Variants in LPAR6 observed in about 807,000 individuals in gnomAD.
The protein encoded by LPAR6 is G-protein coupled purinergic receptor P2Y5.
LPAR6 carries 17 observed loss-of-function variants against 22.0 expected under a neutral mutation model. The observed-to-expected ratio is 0.77, with a 90% CI of 0.53 to 1.16. The LOEUF (loss-of-function observed/expected upper bound fraction) is 1.16, where lower values mean the gene tolerates loss of function less well. Among genes scored for constraint, LPAR6 ranks in the 50% most tolerant of loss-of-function variants. The probability of loss-of-function intolerance (pLI) is 0.00; values close to 1 mark genes in which losing one functional copy is unlikely to be tolerated. For missense variants in LPAR6, 384 were observed against 406.9 expected (o/e 0.94, Z 0.48); for synonymous variants, 136 against 139.8 (o/e 0.97, Z 0.19).
downstream of LPAR6, among the ~76,000 whole-genome samples, chr13:48,407,402 A>G (rs181381424): frequency 6.6e-6 from 1 of 152,298 alleles, no homozygotes. Flanking sequence ...TTTTAAGGTA[A>G]TAAAAAAGAG....
intron 1 of LPAR6, among the ~76,000 whole-genome samples, chr13:48,432,151 C>T (rs1949136594): frequency 6.6e-6 from 1 of 152,088 alleles, no homozygotes; most frequent in African/African-American, 2.4e-5. Context: ...AATAAGGGGA[C>T]ATTTGAACAG....
chr13:48,411,596 A>G lies in LPAR6; in HGVS notation c.828T>C (p.Thr276=), dbSNP rs761515525. 8 of 1,612,664 alleles carry G rather than the reference A, an allele frequency of 5.0e-6. No individual in the cohort carries two copies. Among genetic ancestry groups the G allele is most frequent in the Middle Eastern group, 1.7e-4 (1 of 6,056 alleles). ...AACAGTTGGAAACAGCAATACAGAG[A>G]GTGATTGGGTACATTGTCCTTACTG... ...VAAVRTMYPI[T]LCIAVSNCCF... is the part of the protein sequence containing the mutation. The change falls in exon 1 of 1, where the codon ACT becomes ACC. Residue 276 remains threonine, a synonymous_variant. Coordinates refer to ENST00000620633, the MANE Select transcript of LPAR6 (RefSeq NM_001162498.3).
At chr13:48,422,376 G>T (rs1949019634) in intron 2 of LPAR6, among the ~76,000 whole-genome samples, 1 of 152,192 alleles carries the variant, frequency 6.6e-6, no homozygotes, top group African/African-American at 2.4e-5. Context: ...GGGGTTGGGG[G>T]TTAGAGGAGG....
chr13:48,390,394 G>T (rs1948601693), intron 1 of LPAR6, among the ~76,000 whole-genome samples: 1 of 152,098 alleles, frequency 6.6e-6, no homozygotes, highest in Non-Finnish European at 1.5e-5. Flanking sequence ...AAATGATCTT[G>T]GGAGTGCATG....
At chr13:48,401,847 C>T (rs1007500796) in intron 1 of LPAR6, among the ~76,000 whole-genome samples, 5 of 152,128 alleles carry the variant, frequency 3.3e-5, no homozygotes, top group African/African-American at 9.7e-5. Context: ...CTAAATATAA[C>T]AACAAATTTA....
upstream of LPAR6, among the ~76,000 whole-genome samples, chr13:48,427,234 C>A: frequency 1.2e-5 from 1 of 82,154 alleles, no homozygotes; most frequent in African/African-American, 5.0e-5. Flanking sequence ...TTCTACCAAA[C>A]CTCACCTCCA....
At chr13:48,414,625 C>T (rs73197557), upstream of LPAR6, among the ~76,000 whole-genome samples, 132 of 151,690 alleles carry the variant, frequency 8.7e-4, no homozygotes, top group Non-Finnish European at 1.4e-3. Flanking sequence ...ATTTTTTTCT[C>T]ATAAATTACT....
intron 1 of LPAR6, among the ~76,000 whole-genome samples, chr13:48,443,606 C>T (rs1949259121): frequency 6.6e-6 from 1 of 151,958 alleles, no homozygotes; most frequent in African/African-American, 2.4e-5. Flanking sequence ...GTAAGGAAAC[C>T]ATGAAAGTAA....
chr13:48,437,541 A>G (rs1294792864), intron 1 of LPAR6, among the ~76,000 whole-genome samples: 1 of 152,292 alleles, frequency 6.6e-6, no homozygotes, highest in East Asian at 1.9e-4. Context: ...GGCTGCAGCT[A>G]GTTTAAGGCT....
Position 48,400,270 on chromosome 13 carries a change from T to A in LPAR6, n.115-10458A>T, listed in dbSNP as rs1205619104. On this transcript the variant is annotated intron_variant and non_coding_transcript_variant, in intron 1 of 1. Transcript: ENST00000462781. ...AGGTACTGTTAAAAGTGCTTCAGTG[T>A]ATTAACTCATAACTTCTCACAACTC... Among the ~76,000 whole-genome samples, 8 of 152,114 alleles carry A rather than the reference T, an allele frequency of 5.3e-5. No individual in the cohort carries two copies. The South Asian group carries it at 1.4e-3, about 28-fold the overall frequency.
chr13:48,389,790 A>G (rs1270589349), exon 2 of LPAR6: 1 of 152,160 alleles, frequency 6.6e-6, no homozygotes, highest in Admixed American at 6.6e-5. Flanking sequence ...AGTGGTTAGA[A>G]TGTTAAGCTT....
Position 48,412,411 on chromosome 13 carries a change from T to C in LPAR6, c.13A>G (p.Asn5Asp). ...TCATTATAGAAGCAGTGGGAGCTGTTAACGCTTACCATCGTAAAGGCACGT... is the reference window on the plus strand; with the variant it reads ...TCATTATAGAAGCAGTGGGAGCTGTCAACGCTTACCATCGTAAAGGCACGT... MVSV[N>D]SSHCFYNDSF... Residue 5 changes from asparagine (N) to aspartate (D), a missense_variant, in exon 1 of 1, where the codon AAC becomes GAC. Coordinates refer to ENST00000620633, the MANE Select transcript of LPAR6 (RefSeq NM_001162498.3). 1 of 1,613,498 alleles carries C rather than the reference T, an allele frequency of 6.2e-7. No individual in the cohort carries two copies.
chr13:48,444,556 T>C (rs1387057932), exon 1 of LPAR6: 1 of 152,330 alleles, frequency 6.6e-6, no homozygotes, highest in East Asian at 1.9e-4. Flanking sequence ...CACTTACCGG[T>C]TTATTACAAA....
intron 1 of LPAR6, among the ~76,000 whole-genome samples, chr13:48,436,142 A>G (rs777576632): frequency 6.6e-6 from 1 of 152,234 alleles, no homozygotes; most frequent in Non-Finnish European, 1.5e-5. Context: ...TGATAACACA[A>G]TTAACCAAAG....
At chr13:48,428,909 T>C (rs986564097), upstream of LPAR6, among the ~76,000 whole-genome samples, 3 of 152,234 alleles carry the variant, frequency 2.0e-5, no homozygotes, top group East Asian at 5.8e-4. Context: ...TAAACACTTA[T>C]TGACTTGTAT....
Position 48,412,262 on chromosome 13 carries a change from A to T in LPAR6, c.162T>A (p.Thr54=). ...CTGACATTGCCAAGTTAATCATGTA[A>T]GTTGTAGTTTCATTTCGGACTTTGA... ...CVLKVRNETT[T]YMINLAMSDL... Residue 54 remains threonine (T), a synonymous_variant, in exon 1 of 1, where the codon ACT becomes ACA. Transcript: ENST00000620633. The T allele has an allele frequency of 6.2e-7, 1 of 1,614,150 alleles. No homozygotes were observed. Among genetic ancestry groups the T allele is most frequent in the Non-Finnish European group, 8.5e-7 (1 of 1,180,008 alleles).
chr13:48,425,541 G>C (rs1197180602), intron 1 of LPAR6, among the ~76,000 whole-genome samples: 2 of 152,140 alleles, frequency 1.3e-5, no homozygotes, highest in Non-Finnish European at 2.9e-5. Flanking sequence ...ATTTCACTAG[G>C]TGTTAAGTGA....
intron 2 of LPAR6, among the ~76,000 whole-genome samples, chr13:48,419,045 A>G (rs1175185718): frequency 1.3e-5 from 2 of 152,184 alleles, no homozygotes; most frequent in Admixed American, 1.3e-4. Flanking sequence ...GACCTAATAG[A>G]CATCTACAGA....
At chr13:48,441,313 G>A (rs1379576411) in intron 1 of LPAR6, among the ~76,000 whole-genome samples, 1 of 152,120 alleles carries the variant, frequency 6.6e-6, no homozygotes, top group Admixed American at 6.5e-5. Flanking sequence ...ACTAAATTGT[G>A]CCTGAAGACC....
Sources: allele counts gnomAD v4.1 joint callset (sites outside exome capture counted in the v4.1 genomes callset), GRCh38; gene constraint gnomAD v4.1.1; transcripts MANE v1.5; gene names NCBI Gene and HGNC (gene_info 2026-07-23, HGNC 2026-07-21).